ZBTB20: variants seen among roughly 807,000 people sequenced by gnomAD.
ZBTB20 encodes the protein zinc finger and BTB domain containing 20, also known as zinc finger and BTB domain-containing protein 20.
Under a neutral mutation model 56.9 loss-of-function variants are expected in ZBTB20, and 9 were observed. That is an observed-to-expected ratio of 0.16 (90% CI 0.10 to 0.28). The LOEUF (loss-of-function observed/expected upper bound fraction) is 0.28, where lower values mean the gene tolerates loss of function less well. Among genes scored for constraint, ZBTB20 ranks in the 10% least tolerant of loss-of-function variants. The pLI is 1.00. For missense variants in ZBTB20, 655 were observed against 1,003.0 expected (o/e 0.65, Z 4.69); for synonymous variants, 417 against 420.7 (o/e 0.99, Z 0.11).
intron 5 of ZBTB20, among the ~76,000 whole-genome samples, chr3:114,738,690 T>G (rs937172302): frequency 6.6e-6 from 1 of 152,118 alleles, no homozygotes; most frequent in Non-Finnish European, 1.5e-5. Flanking sequence ...ATATCAAAAT[T>G]TGTAAAAGAC....
chr3:114,449,702 A>AG (rs2091482622), intron 7 of ZBTB20, among the ~76,000 whole-genome samples: 1 of 149,760 alleles, frequency 6.7e-6, no homozygotes, highest in Non-Finnish European at 1.5e-5. Flanking sequence ...AAAAAAAAAA[A>AG]GGTTGCACAA....
intron 6 of ZBTB20, among the ~76,000 whole-genome samples, chr3:114,501,353 G>A (rs566091177): frequency 4.4e-4 from 67 of 152,172 alleles, no homozygotes; most frequent in South Asian, 2.5e-3. Flanking sequence ...GGCTAGGCGC[G>A]GTGGCTCACG....
intron 7 of ZBTB20, among the ~76,000 whole-genome samples, chr3:114,401,410 C>T (rs1277022955): frequency 6.6e-6 from 1 of 152,130 alleles, no homozygotes; most frequent in African/African-American, 2.4e-5. Context: ...GAAAATTTCA[C>T]TGGATTGTCT....
chr3:115,144,499 G>C (rs2084908808), intron 1 of ZBTB20, among the ~76,000 whole-genome samples: 1 of 152,010 alleles, frequency 6.6e-6, no homozygotes, highest in Non-Finnish European at 1.5e-5. Flanking sequence ...AGATGTTTGC[G>C]GGCCTCAAAA....
intron 5 of ZBTB20, among the ~76,000 whole-genome samples, chr3:114,707,882 A>T (rs2063812339): frequency 6.6e-6 from 1 of 152,076 alleles, no homozygotes. Flanking sequence ...CATATAACTT[A>T]ATTACTTTTA....
At chr3:114,479,881 T>C (rs980565749) in intron 7 of ZBTB20, among the ~76,000 whole-genome samples, 1 of 152,168 alleles carries the variant, frequency 6.6e-6, no homozygotes, top group African/African-American at 2.4e-5. Flanking sequence ...TAAGTAAGAA[T>C]TGAGTGAGAC....
At chr3:114,798,697 A>G (rs1236148830) in intron 5 of ZBTB20, among the ~76,000 whole-genome samples, 1 of 151,988 alleles carries the variant, frequency 6.6e-6, no homozygotes, top group African/African-American at 2.4e-5. Context: ...CTTTCCCACT[A>G]TAATGTTTGG....
At chr3:114,958,758 G>A (rs1289088505) in intron 3 of ZBTB20, among the ~76,000 whole-genome samples, 1 of 151,350 alleles carries the variant, frequency 6.6e-6, no homozygotes, top group Admixed American at 6.6e-5. Flanking sequence ...TGAGGCAGGA[G>A]AATCACTTGA....
At chr3:114,618,949 G>C (rs1489316175) in intron 6 of ZBTB20, among the ~76,000 whole-genome samples, 1 of 152,122 alleles carries the variant, frequency 6.6e-6, no homozygotes, top group African/African-American at 2.4e-5. Context: ...TTCCATATTA[G>C]GTGTTTTTCA....
intron 11 of ZBTB20, among the ~76,000 whole-genome samples, chr3:114,346,844 C>T (rs943514028): frequency 2.0e-5 from 3 of 151,832 alleles, no homozygotes; most frequent in African/African-American, 4.8e-5. Flanking sequence ...CAGCACCATG[C>T]CTGGTTAATT....
Position 114,563,046 on chromosome 3 carries a change from C to A in ZBTB20, c.-294-62655G>T, listed in dbSNP as rs1379540716. On this transcript the variant is annotated intron_variant, in intron 6 of 11. Coordinates refer to ENST00000675478, the MANE Select transcript of ZBTB20 (RefSeq NM_001348800.3). ...GCACATGCTGTTGGAAAAAATGGTG[C>A]CAACAGACTCAATACAGGGTTGCCA... is the stretch of plus-strand genomic sequence containing the variant. Among the ~76,000 whole-genome samples the A allele has an allele frequency of 4.6e-5, 7 of 151,930 alleles. No homozygotes were observed. In the South Asian group the frequency reaches 1.0e-3, roughly 23 times the overall value.
chr3:115,071,098 A>T (rs1277498023), intron 2 of ZBTB20, 121 bp downstream of exon 2: 1 of 152,176 alleles, frequency 6.6e-6, no homozygotes. Flanking sequence ...TCTTATACAT[A>T]TAAATTGTTA....
intron 7 of ZBTB20, among the ~76,000 whole-genome samples, chr3:114,426,269 C>T (rs1234965289): frequency 1.4e-5 from 2 of 142,544 alleles, no homozygotes; most frequent in African/African-American, 2.7e-5. Flanking sequence ...AACCTGGAGG[C>T]GGAGCTTGTA....
At chr3:114,852,505 C>A (rs929347939) in intron 4 of ZBTB20, among the ~76,000 whole-genome samples, 5 of 152,108 alleles carry the variant, frequency 3.3e-5, no homozygotes, top group African/African-American at 1.2e-4. Flanking sequence ...CTCAGCTGAT[C>A]CACCCGCCGC....
intron 5 of ZBTB20, among the ~76,000 whole-genome samples, chr3:114,758,126 T>A (rs2068143507): frequency 1.3e-5 from 2 of 152,182 alleles, no homozygotes; most frequent in Non-Finnish European, 2.9e-5. Flanking sequence ...GAATATGCAA[T>A]TCATCTGCAA....
At chr3:114,596,336 G>T (rs2056312182) in intron 6 of ZBTB20, among the ~76,000 whole-genome samples, 1 of 152,102 alleles carries the variant, frequency 6.6e-6, no homozygotes, top group Non-Finnish European at 1.5e-5. Flanking sequence ...AACTTAGAAT[G>T]CACAATGATG....
chr3:114,866,775 C>T (rs2075781637), intron 4 of ZBTB20, among the ~76,000 whole-genome samples: 1 of 152,062 alleles, frequency 6.6e-6, no homozygotes, highest in Admixed American at 6.6e-5. Context: ...GGTCTCTGGC[C>T]TAAGGAAGTT....
At chr3:114,435,253 C>T (rs1334078659) in intron 7 of ZBTB20, among the ~76,000 whole-genome samples, 1 of 152,010 alleles carries the variant, frequency 6.6e-6, no homozygotes, top group Non-Finnish European at 1.5e-5. Flanking sequence ...AAAACTTGCA[C>T]ACCATAGCAG....
At chr3:114,902,773 C>A (rs2075171844) in intron 3 of ZBTB20, among the ~76,000 whole-genome samples, 1 of 152,120 alleles carries the variant, frequency 6.6e-6, no homozygotes. Flanking sequence ...TATTAACAGG[C>A]TGCAGTTATT....
Sources: gnomAD v4.1 joint callset for allele counts (sites outside exome capture counted in the v4.1 genomes callset) on GRCh38, gnomAD v4.1.1 for gene constraint, MANE v1.5 for transcripts, NCBI Gene and HGNC (gene_info 2026-07-23, HGNC 2026-07-21) for gene names.